The following ME1 variants were observed in gnomAD, a reference collection of about 807,000 sequenced individuals.
ME1 encodes the protein NADP-dependent malic enzyme.
A neutral mutation model predicts 66.4 loss-of-function variants in ME1; 74 were observed. The observed-to-expected ratio is 1.11, with a 90% CI of 0.92 to 1.35. The LOEUF (loss-of-function observed/expected upper bound fraction) is 1.35. Ranked by LOEUF, ME1 falls within the 40% of genes most tolerant of loss-of-function variation. The pLI, the probability that ME1 is intolerant of heterozygous loss-of-function variation, is 0.00. For synonymous variants in ME1, 251 were observed against 235.6 expected (o/e 1.07, Z -0.60); for missense variants, 750 against 694.1 (o/e 1.08, Z -0.90).
rs141235382 is a variant in ME1, at chr6:83,263,598, C to G, written c.705-9860G>C. Among the ~76,000 whole-genome samples, 8 of 152,182 alleles carry G rather than the reference C, an allele frequency of 5.3e-5. No individual in the cohort carries two copies. In the East Asian group the frequency reaches 1.5e-3, roughly 29 times the overall value. ...AGTGATCTGGATAGATTAAGCCAGTCACAACATTTCCTTAAGCCAAAGCCT... is the reference window on the plus strand; with the variant it reads ...AGTGATCTGGATAGATTAAGCCAGTGACAACATTTCCTTAAGCCAAAGCCT... On this transcript the variant is annotated intron_variant, in intron 6 of 13. Coordinates refer to ENST00000369705, the MANE Select transcript of ME1 (RefSeq NM_002395.6).
intron 6 of ME1, among the ~76,000 whole-genome samples, chr6:83,254,444 A>G (rs1790770310): frequency 6.6e-6 from 1 of 152,110 alleles, no homozygotes; most frequent in South Asian, 2.1e-4. Flanking sequence ...AAAAGGCCCC[A>G]TCTCTTAATA....
chr6:83,221,158 C>CAA (rs3216577), intron 12 of ME1, among the ~76,000 whole-genome samples: 1 of 143,270 alleles, frequency 7.0e-6, no homozygotes, highest in African/African-American at 2.6e-5. Flanking sequence ...GACTCCGTCT[C>CAA]AAAAAAAAAA....
chr6:83,262,865 C>A (rs991425048), intron 6 of ME1, among the ~76,000 whole-genome samples: 6 of 152,178 alleles, frequency 3.9e-5, no homozygotes. Flanking sequence ...TTTCATACTA[C>A]AAGAATACAG....
intron 7 of ME1, among the ~76,000 whole-genome samples, chr6:83,243,296 T>C (rs1037112641): frequency 4.7e-4 from 67 of 143,148 alleles, no homozygotes; most frequent in Non-Finnish European, 8.0e-4. Context: ...TATTTAATTA[T>C]ATATAATATA....
At chr6:83,277,274 A>G (rs1007197797) in intron 6 of ME1, among the ~76,000 whole-genome samples, 72 of 152,228 alleles carry the variant, frequency 4.7e-4, no homozygotes, top group African/African-American at 1.6e-3. Flanking sequence ...TGTAATGCTG[A>G]CTCCTTAACT....
chr6:83,232,630 A>G (rs1436590744), intron 9 of ME1, among the ~76,000 whole-genome samples: 1 of 152,212 alleles, frequency 6.6e-6, no homozygotes, highest in African/African-American at 2.4e-5. Context: ...CAGCTTACAT[A>G]GTCTATTTGG....
chr6:83,259,811 A>G (rs1766850658), intron 6 of ME1, among the ~76,000 whole-genome samples: 1 of 151,774 alleles, frequency 6.6e-6, no homozygotes, highest in Non-Finnish European at 1.5e-5. Context: ...TCCTTTTATT[A>G]TATTTTACTG....
At chr6:83,264,951 TCTA>T (rs765583537) in intron 6 of ME1, among the ~76,000 whole-genome samples, 13 of 152,214 alleles carry the variant, frequency 8.5e-5, no homozygotes, top group Non-Finnish European at 1.3e-4. Flanking sequence ...TGAAAGAAGT[TCTA>T]CTGTGGATAT....
intron 2 of ME1, among the ~76,000 whole-genome samples, chr6:83,404,440 T>C (rs1769897078): frequency 6.6e-6 from 1 of 151,268 alleles, no homozygotes. Context: ...TTTTCTCCAA[T>C]TCTATAGGGT....
chr6:83,340,936 T>A (rs150600563), intron 5 of ME1, among the ~76,000 whole-genome samples: 164 of 152,222 alleles, frequency 1.1e-3, no homozygotes, highest in Middle Eastern at 3.4e-3. Context: ...GTGGATGGAC[T>A]CTGGTGACAG....
At chr6:83,239,731 T>C in intron 7 of ME1, 95 bp from the exon 8 acceptor site, 1 of 852,002 alleles carries the variant, frequency 1.2e-6, no homozygotes, top group Non-Finnish European at 1.9e-6. Context: ...ATAAAACAGG[T>C]TAACTGGTAC....
intron 5 of ME1, among the ~76,000 whole-genome samples, chr6:83,324,746 G>A (rs1349390916): frequency 1.8e-4 from 24 of 132,872 alleles, no homozygotes; most frequent in Non-Finnish European, 2.6e-4. Flanking sequence ...AAAAAGCCCA[G>A]GACGAGATGG....
At chr6:83,302,992 TG>T (rs1280874442) in intron 6 of ME1, among the ~76,000 whole-genome samples, 1 of 151,946 alleles carries the variant, frequency 6.6e-6, no homozygotes, top group Non-Finnish European at 1.5e-5. Context: ...ATGGTGAAGT[TG>T]GGTTATGATT....
intron 5 of ME1, among the ~76,000 whole-genome samples, chr6:83,339,916 C>T (rs1025137852): frequency 6.8e-5 from 9 of 132,956 alleles, no homozygotes; most frequent in Non-Finnish European, 1.4e-4. Flanking sequence ...CACATGTATA[C>T]ATATGTAACT....
In ME1 at chr6:83,253,670, T is replaced by C. The variant is rs959220481; in HGVS notation, c.773A>G (p.Lys258Arg). ...GAATGTGCAATACTGGTTTCGATAC[T>C]TGTTCAGGAGACGAAATGCATTCAC... ...ANVNAFRLLN[K>R]YRNQYCTFND... Residue 258 changes from lysine to arginine, a missense_variant, in exon 7 of 14, where the codon AAG (lysine) becomes AGG (arginine). By Grantham distance (26) the Lys-to-Arg change is conservative (BLOSUM62 2). Coordinates refer to ENST00000369705, the MANE Select transcript of ME1 (RefSeq NM_002395.6). The C allele has an allele frequency of 4.3e-6, 7 of 1,612,122 alleles. No individual in the cohort carries two copies. The African/African-American group carries it at 6.7e-5, about 15-fold the overall frequency.
intron 7 of ME1, among the ~76,000 whole-genome samples, chr6:83,249,576 A>C (rs1217171105): frequency 6.6e-6 from 1 of 152,190 alleles, no homozygotes; most frequent in African/African-American, 2.4e-5. Flanking sequence ...ATTTCTACAA[A>C]TAATTATTTT....
At chr6:83,268,586 G>A (rs1326025571) in intron 6 of ME1, among the ~76,000 whole-genome samples, 1 of 151,882 alleles carries the variant, frequency 6.6e-6, no homozygotes, top group Non-Finnish European at 1.5e-5. Context: ...ACTTTTTCGA[G>A]ACAGAGTCTC....
At chr6:83,235,656 T>C (rs1790386410) in intron 9 of ME1, among the ~76,000 whole-genome samples, 2 of 151,928 alleles carry the variant, frequency 1.3e-5, no homozygotes, top group South Asian at 4.1e-4. Flanking sequence ...GTATTTTTAG[T>C]AGAGACGGGG....
chr6:83,303,635 A>G (rs1767770861), intron 6 of ME1, among the ~76,000 whole-genome samples: 1 of 152,210 alleles, frequency 6.6e-6, no homozygotes, highest in Non-Finnish European at 1.5e-5. Flanking sequence ...GATCACAAGC[A>G]TGGCTGAATC....
Sources: allele counts gnomAD v4.1 joint callset (sites outside exome capture counted in the v4.1 genomes callset), GRCh38; gene constraint gnomAD v4.1.1; transcripts MANE v1.5; gene names NCBI Gene and HGNC (gene_info 2026-07-23, HGNC 2026-07-21).